The following CDH20 variants were observed in gnomAD, a reference collection of about 807,000 sequenced individuals.
CDH20 encodes the protein cadherin-20.
Under a neutral mutation model 74.2 loss-of-function variants are expected in CDH20, and 29 were observed. The observed-to-expected ratio is 0.39, with a 90% CI of 0.29 to 0.53. The LOEUF (loss-of-function observed/expected upper bound fraction) is 0.53, where lower values mean the gene tolerates loss of function less well. Among genes scored for constraint, CDH20 ranks in the 20% least tolerant of loss-of-function variants. The pLI, the probability that CDH20 is intolerant of heterozygous loss-of-function variation, is 0.69. For missense variants in CDH20, 988 were observed against 1,048.3 expected, an observed-to-expected ratio of 0.94 and a Z score of 0.79; for synonymous variants, 469 against 405.4, an observed-to-expected ratio of 1.16 and a Z score of -1.88.
At chr18:61,395,369 G>A (rs1324450357) in intron 1 of CDH20, among the ~76,000 whole-genome samples, 1 of 152,164 alleles carries the variant, frequency 6.6e-6, no homozygotes, top group African/African-American at 2.4e-5. Context: ...GATAAGCACT[G>A]AATAAATATT....
chr18:61,500,581 C>A, intron 4 of CDH20, 79 bp downstream of exon 4: 1 of 1,452,072 alleles, frequency 6.9e-7, no homozygotes, highest in South Asian at 1.4e-5. Flanking sequence ...CCCAACTCTC[C>A]TTTTTAAGGA....
At chr18:61,484,640 CAT>C (rs1910693295) in intron 1 of CDH20, among the ~76,000 whole-genome samples, 1 of 151,988 alleles carries the variant, frequency 6.6e-6, no homozygotes, top group African/African-American at 2.4e-5. Flanking sequence ...ATACAGGTAA[CAT>C]ATGGCAAGTT....
intron 10 of CDH20, 68 bp downstream of exon 10, chr18:61,545,212 C>T: frequency 1.1e-6 from 1 of 936,500 alleles, no homozygotes. Flanking sequence ...GGGTTACTGT[C>T]TTATGCAAAC....
At chr18:61,504,109 T>C (rs983534854) in intron 5 of CDH20, among the ~76,000 whole-genome samples, 2 of 152,202 alleles carry the variant, frequency 1.3e-5, no homozygotes, top group African/African-American at 2.4e-5. Context: ...TAAAACCTGC[T>C]CTTTCAAATG....
chr18:61,394,152 C>T (rs1314141861), intron 1 of CDH20, among the ~76,000 whole-genome samples: 1 of 152,124 alleles, frequency 6.6e-6, no homozygotes, highest in Non-Finnish European at 1.5e-5. Context: ...ATGTTCCCTG[C>T]TATACCCAGA....
rs552739283 is a variant in CDH20 at position 61,554,623 on chromosome 18, G to A, written c.2334G>A (p.Thr778=). 1 of 1,605,714 alleles carries A rather than the reference G, an allele frequency of 6.2e-7. No individual in the cohort carries two copies. Among genetic ancestry groups the A allele is most frequent in the Non-Finnish European group, 8.5e-7 (1 of 1,176,748 alleles). The change falls in exon 12 of 12, where the codon ACG becomes ACA. Residue 778 remains threonine (T), a synonymous_variant. Transcript: ENST00000262717. ...CGGAACAGAGCTTCGACTTCCTGACGGACTGGGGGCCCCGCTTCCGGAAGC... is the reference window on the plus strand; with the variant it reads ...CGGAACAGAGCTTCGACTTCCTGACAGACTGGGGGCCCCGCTTCCGGAAGC... The part of the protein sequence containing the change: ...SDSEQSFDFL[T]DWGPRFRKLA...
intron 1 of CDH20, among the ~76,000 whole-genome samples, chr18:61,381,826 C>CAAATTTTGGAGTGGGTCTATTT (rs1308653435): frequency 6.6e-6 from 1 of 152,164 alleles, no homozygotes; most frequent in Non-Finnish European, 1.5e-5. Flanking sequence ...TTAGCACATT[C>CAAATTTTGGAGTGGGTCTATTT]AAATGTTTAA....
At chr18:61,482,256 A>C (rs1180335711) in intron 1 of CDH20, among the ~76,000 whole-genome samples, 1 of 152,184 alleles carries the variant, frequency 6.6e-6, no homozygotes. Flanking sequence ...AGAATGATGA[A>C]TTTTTTATTC....
At chr18:61,373,045 A>G (rs536071270) in intron 1 of CDH20, among the ~76,000 whole-genome samples, 1 of 152,232 alleles carries the variant, frequency 6.6e-6, no homozygotes, top group East Asian at 1.9e-4. Context: ...CTGTGGGCTC[A>G]TGGTTAACTG....
chr18:61,400,139 T>C (rs774205263), intron 1 of CDH20, among the ~76,000 whole-genome samples: 23 of 152,218 alleles, frequency 1.5e-4, no homozygotes, highest in Non-Finnish European at 2.9e-4. Context: ...GTGAGACTGT[T>C]ACCAAGTGAG....
intron 9 of CDH20, among the ~76,000 whole-genome samples, chr18:61,541,264 A>G (rs1018234632): frequency 6.6e-6 from 1 of 151,440 alleles, no homozygotes; most frequent in Non-Finnish European, 1.5e-5. Context: ...CTTTATTTTA[A>G]TAATTTTTGT....
At chr18:61,515,937 T>TTAA (rs1555682379) in intron 6 of CDH20, among the ~76,000 whole-genome samples, 25 of 151,888 alleles carry the variant, frequency 1.6e-4, no homozygotes, top group African/African-American at 5.3e-4. Flanking sequence ...ATAATAATTT[T>TTAA]AAAAAAAAGA....
At chr18:61,398,717 T>C (rs1176395971) in intron 1 of CDH20, among the ~76,000 whole-genome samples, 1 of 152,158 alleles carries the variant, frequency 6.6e-6, no homozygotes, top group Non-Finnish European at 1.5e-5. Context: ...TTCTGTTAGG[T>C]TTGCTTTTCC....
chr18:61,447,561 A>G (rs2144330686), intron 1 of CDH20, among the ~76,000 whole-genome samples: 1 of 152,338 alleles, frequency 6.6e-6, no homozygotes, highest in Non-Finnish European at 1.5e-5. Context: ...GAATTTCAGG[A>G]GAAAAGGGAA....
intron 10 of CDH20, among the ~76,000 whole-genome samples, chr18:61,548,833 A>G (rs1447625491): frequency 6.6e-6 from 1 of 152,244 alleles, no homozygotes; most frequent in Non-Finnish European, 1.5e-5. Context: ...CATCAACTAA[A>G]GCAAATCACA....
intron 1 of CDH20, among the ~76,000 whole-genome samples, chr18:61,351,026 G>A (rs1008195548): frequency 1.3e-5 from 2 of 152,168 alleles, no homozygotes; most frequent in Non-Finnish European, 2.9e-5. Flanking sequence ...TTCTTCATCA[G>A]CAAGCAGCAT....
At chr18:61,522,429 T>C (rs1422609698) in intron 6 of CDH20, among the ~76,000 whole-genome samples, 1 of 152,048 alleles carries the variant, frequency 6.6e-6, no homozygotes, top group African/African-American at 2.4e-5. Context: ...CACAAACAAA[T>C]GAAAAAACAT....
At chr18:61,438,010 C>A (rs749172920) in intron 1 of CDH20, among the ~76,000 whole-genome samples, 4 of 152,098 alleles carry the variant, frequency 2.6e-5, no homozygotes, top group Non-Finnish European at 5.9e-5. Context: ...CAGCAAAATC[C>A]TGTGGATGAT....
intron 1 of CDH20, among the ~76,000 whole-genome samples, chr18:61,373,361 T>C (rs1383043180): frequency 1.3e-5 from 2 of 152,048 alleles, no homozygotes; most frequent in Non-Finnish European, 2.9e-5. Context: ...GCTGACCCTA[T>C]TCAATAATAG....
Sources: gnomAD v4.1 joint callset for allele counts (sites outside exome capture counted in the v4.1 genomes callset) on GRCh38, gnomAD v4.1.1 for gene constraint, MANE v1.5 for transcripts, NCBI Gene and HGNC (gene_info 2026-07-23, HGNC 2026-07-21) for gene names.